Variants in SUCO observed in about 807,000 individuals in gnomAD.
SUCO encodes the protein SUN domain containing ossification factor, also known as SUN domain-containing ossification factor.
In SUCO, 57 loss-of-function variants were observed where a neutral mutation model predicts 148.1. The observed-to-expected ratio is 0.38, with a 90% CI of 0.31 to 0.48. SUCO has a LOEUF of 0.48. Among genes scored for constraint, SUCO ranks in the 20% least tolerant of loss-of-function variants. The pLI, the probability that SUCO is intolerant of heterozygous loss-of-function variation, is 0.96. For missense variants in SUCO, 1,331 were observed against 1,468.2 expected (o/e 0.91, Z 1.53); for synonymous variants, 470 against 502.7 (o/e 0.93, Z 0.87).
intron 8 of SUCO, 84 bp from the exon 9 acceptor site, chr1:172,570,579 A>T: frequency 1.1e-6 from 1 of 877,874 alleles, no homozygotes; most frequent in East Asian, 2.6e-5. Context: ...AAAATACAGA[A>T]GTCCCAGAAA....
chr1:172,591,114 A>T, intron 19 of SUCO, 43 bp downstream of exon 19: 1 of 1,466,598 alleles, frequency 6.8e-7, no homozygotes, highest in Non-Finnish European at 9.5e-7. Context: ...ATAAATTTCC[A>T]CTGAATTCTG....
At chr1:172,600,859 C>T (rs186044456) in intron 20 of SUCO, among the ~76,000 whole-genome samples, 2 of 152,056 alleles carry the variant, frequency 1.3e-5, no homozygotes, top group African/African-American at 4.8e-5. Context: ...TGATAACAAA[C>T]CTGTTTCTAG....
At position 172,602,581 on chromosome 1, in the gene SUCO, G is replaced by A. The variant is rs1657597801; in HGVS notation, c.3174-115G>A. The A allele has an allele frequency of 2.7e-6, 4 of 1,485,996 alleles. No individual in the cohort carries two copies. The Admixed American group carries it at 7.4e-5, about 27-fold the overall frequency. The allele number at this position is 1,485,996 out of a possible 1,614,324, so 92.1% of individuals were successfully genotyped here. On this transcript the variant is annotated intron_variant, in intron 21 of 23. Transcript: ENST00000263688. Reference sequence around the variant, plus strand: ...TATTAGCAATAACTGGAGTGTTAGAGTTAGTCCCGTGTGGTATGTACAGTT... The same window carrying A: ...TATTAGCAATAACTGGAGTGTTAGAATTAGTCCCGTGTGGTATGTACAGTT...
chr1:172,579,171 G>A, intron 14 of SUCO, 31 bp from the exon 15 acceptor site: 1 of 1,267,186 alleles, frequency 7.9e-7, no homozygotes, highest in Non-Finnish European at 1.1e-6. Context: ...CTAGATCTCA[G>A]CATAATTACT....
Position 172,579,080 on chromosome 1 carries a change from CATATTT to C in SUCO, c.1433-119_1433-114del, listed in dbSNP as rs1571246774. Reference sequence around the variant, plus strand: ...GTGAACATGTTTTAGATATATGATTCATATTTATCATAAAATGTTTTAAATGTCAGC... The same window carrying C: ...GTGAACATGTTTTAGATATATGATTCATCATAAAATGTTTTAAATGTCAGC... On this transcript the variant is annotated intron_variant, in intron 14 of 23. Coordinates refer to ENST00000263688, the MANE Select transcript of SUCO (RefSeq NM_014283.5). The C allele has an allele frequency of 9.7e-6, 6 of 615,830 alleles. No homozygotes were observed. In the East Asian group the frequency reaches 1.8e-4, roughly 19 times the overall value. 38.1% of individuals were successfully genotyped at this position (615,830 alleles called of 1,614,324 possible). A position where few individuals can be genotyped will look rare whatever the true frequency, so the allele number is the denominator to read the frequency against.
chr1:172,559,304 A>G (rs116487491), intron 6 of SUCO, among the ~76,000 whole-genome samples: 194 of 152,328 alleles, frequency 1.3e-3, no homozygotes, highest in African/African-American at 4.6e-3. Context: ...CTGGGCTTCA[A>G]AGGGTAAATG....
intron 3 of SUCO, 21 bp from the exon 4 acceptor site, chr1:172,555,848 C>A: frequency 6.4e-7 from 1 of 1,566,170 alleles, no homozygotes; most frequent in Non-Finnish European, 8.7e-7. Context: ...TTTAATTTAG[C>A]TGACTTGTTT....
At chr1:172,578,758 T>G (rs776796187) in intron 14 of SUCO, among the ~76,000 whole-genome samples, 1 of 151,980 alleles carries the variant, frequency 6.6e-6, no homozygotes, top group Non-Finnish European at 1.5e-5. Context: ...AGCAAGCACA[T>G]TTTGGCTTCC....
chr1:172,575,745 A>G, intron 11 of SUCO, 122 bp downstream of exon 11: 2 of 544,872 alleles, frequency 3.7e-6, no homozygotes, highest in South Asian at 5.9e-5. Context: ...ATACCACTTA[A>G]TAGATAATTC....
intron 1 of SUCO, among the ~76,000 whole-genome samples, chr1:172,537,721 GAGA>G (rs1245035451): frequency 6.6e-6 from 1 of 152,128 alleles, no homozygotes; most frequent in East Asian, 1.9e-4. Context: ...GATCATCTTG[GAGA>G]AGCTTATATT....
chr1:172,565,498 T>C (rs1654486265), intron 6 of SUCO, among the ~76,000 whole-genome samples: 1 of 152,154 alleles, frequency 6.6e-6, no homozygotes, highest in Admixed American at 6.5e-5. Flanking sequence ...GCATCTTGGG[T>C]GCAGTCTATA....
rs143269264 is a variant in SUCO at position 172,602,203 on chromosome 1, A to G, written c.3158A>G (p.Tyr1053Cys). 586 of 1,609,962 alleles carry G rather than the reference A, an allele frequency of 3.6e-4. No individual in the cohort carries two copies. Among genetic ancestry groups the G allele is most frequent in the Non-Finnish European group, 4.5e-4 (528 of 1,178,182 alleles). Residue 1053 changes from tyrosine (Y) to cysteine (C), a missense_variant, in exon 21 of 24, where the codon TAT (tyrosine) becomes TGT (cysteine). Tyr to Cys is a radical substitution (Grantham distance 194). This residue lies in a region of SUCO where 334 missense variants were observed against 352.3 expected (regional missense o/e 0.95). Transcript: ENST00000263688. ...TCAAAACTTCCTAAAAGTAATCAGT[A>G]TCCAAGCCCTAAAAGGTAATATCAG... is the stretch of plus-strand genomic sequence containing the variant. ...YISKLPKSNQ[Y>C]PSPKRCFSSY...
At position 172,569,086 on chromosome 1, in the gene SUCO, A is replaced by G. The variant is rs1365990599; in HGVS notation, c.800A>G (p.Asp267Gly). 2 of 1,591,758 alleles carry G rather than the reference A, an allele frequency of 1.3e-6. No individual in the cohort carries two copies. The highest frequency in any genetic ancestry group is 8.5e-7 in the Non-Finnish European group (1 of 1,170,274). Residue 267 changes from aspartate to glycine, a missense_variant, in exon 7 of 24, where the codon GAT becomes GGT. Coordinates refer to ENST00000263688, the MANE Select transcript of SUCO (RefSeq NM_014283.5). ...GTAGCAAGTCCCAAAGATCCAGAAG[A>G]TATACCAACATTTGATGAATGGAAG... Reference protein sequence around the residue: ...TSVASPKDPEDIPTFDEWKKK... With the variant: ...TSVASPKDPEGIPTFDEWKKK...
chr1:172,592,440 A>G (rs2149263039), intron 19 of SUCO, among the ~76,000 whole-genome samples: 1 of 152,170 alleles, frequency 6.6e-6, no homozygotes, highest in Admixed American at 6.5e-5. Flanking sequence ...ATCCATCTTG[A>G]ATTAATTTTT....
At chr1:172,561,442 A>G (rs1190259267) in intron 6 of SUCO, among the ~76,000 whole-genome samples, 1 of 152,204 alleles carries the variant, frequency 6.6e-6, no homozygotes, top group African/African-American at 2.4e-5. Flanking sequence ...TGACGAATCT[A>G]GCAACCATGA....
At chr1:172,591,467 C>T in intron 19 of SUCO, among the ~76,000 whole-genome samples, 1 of 116,330 alleles carries the variant, frequency 8.6e-6, no homozygotes, top group Admixed American at 1.3e-4. Context: ...GTGTGATGTT[C>T]CCCACCCTGT....
chr1:172,553,996 T>C (rs1653523352), intron 3 of SUCO, among the ~76,000 whole-genome samples: 1 of 152,176 alleles, frequency 6.6e-6, no homozygotes, highest in Non-Finnish European at 1.5e-5. Context: ...AAGGAAAAAC[T>C]AAAATCTCGA....
rs1295472241 is a variant in SUCO at position 172,608,066 on chromosome 1, A to G, written c.3266-681A>G. ...GTCAGTGTGGGGGTGGGGTTGGGAT[A>G]TATCTTGAAGCTGCTTAGAGTAATG... On this transcript the variant is annotated intron_variant, in intron 22 of 23. Transcript: ENST00000263688. 3.0e-6 allele frequency: 3 copies of G among 984,696 alleles called. No individual in the cohort carries two copies. In the African/African-American group the frequency reaches 5.2e-5, roughly 17 times the overall value. 61.0% of individuals were successfully genotyped at this position (984,696 alleles called of 1,614,324 possible).
At position 172,602,734 on chromosome 1, in the gene SUCO, G is replaced by A. The variant is rs1473698381; in HGVS notation, c.3212G>A (p.Arg1071Lys). The A allele has an allele frequency of 6.2e-7, 1 of 1,612,942 alleles. No homozygotes were observed. Among genetic ancestry groups the A allele is most frequent in the Non-Finnish European group, 8.5e-7 (1 of 1,179,666 alleles). Reference sequence around the variant, plus strand: ...TATGATGATATGAATTTGAAAAGAAGAACTTCATTCCCACTCATGAGATCC... The same window carrying A: ...TATGATGATATGAATTTGAAAAGAAAAACTTCATTCCCACTCATGAGATCC... ...SSYDDMNLKR[R>K]TSFPLMRSKS... The change falls in exon 22 of 24, where the codon AGA becomes AAA. Residue 1071 changes from arginine to lysine, a missense_variant. Coordinates refer to ENST00000263688, the MANE Select transcript of SUCO (RefSeq NM_014283.5).
Sources: allele counts gnomAD v4.1 joint callset (sites outside exome capture counted in the v4.1 genomes callset), GRCh38; gene constraint gnomAD v4.1.1; regional missense constraint gnomAD v4.1.1; transcripts MANE v1.5; gene names NCBI Gene and HGNC (gene_info 2026-07-23, HGNC 2026-07-21).